The following CSMD1 variants were observed in gnomAD, a reference collection of about 807,000 sequenced individuals.
CSMD1 encodes CUB and sushi domain-containing protein 1.
CSMD1 carries 213 observed loss-of-function variants against 417.5 expected under a neutral mutation model. That is an observed-to-expected ratio of 0.51 (90% CI 0.46 to 0.57). The LOEUF is 0.57. CSMD1 is among the 20% of genes least tolerant of loss of function. CSMD1 has a pLI of 0.00. For synonymous variants in CSMD1, 2,862 were observed against 1,736.8 expected, an observed-to-expected ratio of 1.65 and a Z score of -16.11; for missense variants, 6,923 against 4,529.7, an observed-to-expected ratio of 1.53 and a Z score of -15.17.
intron 3 of CSMD1, among the ~76,000 whole-genome samples, chr8:4,304,393 A>G (rs1798137397): frequency 6.6e-6 from 1 of 152,152 alleles, no homozygotes; most frequent in Non-Finnish European, 1.5e-5. Flanking sequence ...TAAATAGAGA[A>G]ATTATTACCA....
chr8:4,057,403 G>T (rs928993141), intron 3 of CSMD1, among the ~76,000 whole-genome samples: 1 of 152,036 alleles, frequency 6.6e-6, no homozygotes, highest in East Asian at 1.9e-4. Flanking sequence ...TTGTAAATTT[G>T]TTTGAGTTCA....
intron 12 of CSMD1, among the ~76,000 whole-genome samples, chr8:3,456,956 C>A (rs997359517): frequency 6.6e-6 from 1 of 152,004 alleles, no homozygotes; most frequent in East Asian, 1.9e-4. Context: ...ACCCTACACA[C>A]CCTCATCCTG....
At chr8:3,074,406 G>T (rs1020231917) in intron 49 of CSMD1, among the ~76,000 whole-genome samples, 2 of 152,098 alleles carry the variant, frequency 1.3e-5, no homozygotes, top group Non-Finnish European at 2.9e-5. Context: ...AGGTCCATAG[G>T]GAGCTGTCTA....
At chr8:3,878,573 G>A (rs1020499634) in intron 5 of CSMD1, among the ~76,000 whole-genome samples, 2 of 152,066 alleles carry the variant, frequency 1.3e-5, no homozygotes, top group Admixed American at 6.6e-5. Context: ...AAAAAATTGC[G>A]TGCATTATTT....
intron 1 of CSMD1, among the ~76,000 whole-genome samples, chr8:4,864,304 T>C (rs1289556741): frequency 1.3e-5 from 2 of 151,382 alleles, no homozygotes; most frequent in Non-Finnish European, 3.0e-5. Flanking sequence ...AATTTAGAAC[T>C]AAAAAAGGAT....
At chr8:4,975,995 C>G (rs192480110) in intron 1 of CSMD1, among the ~76,000 whole-genome samples, 136 of 152,304 alleles carry the variant, frequency 8.9e-4, no homozygotes, top group African/African-American at 3.0e-3. Context: ...ACAACAGACA[C>G]TCAACCCTTT....
chr8:3,416,819 T>C (rs776031023), intron 12 of CSMD1, among the ~76,000 whole-genome samples: 5 of 152,230 alleles, frequency 3.3e-5, no homozygotes, highest in Non-Finnish European at 7.3e-5. Context: ...CACAAGTAGA[T>C]GAGAACTCCA....
At chr8:3,558,868 C>G (rs55744333) in intron 10 of CSMD1, among the ~76,000 whole-genome samples, 18,717 of 151,960 alleles carry the variant, frequency 0.12, 1,771 homozygotes, top group African/African-American at 0.26. Flanking sequence ...CCATGTTCAC[C>G]TGCCGCCCTG....
At chr8:3,195,349 T>G (rs531707416) in intron 33 of CSMD1, among the ~76,000 whole-genome samples, 4 of 152,166 alleles carry the variant, frequency 2.6e-5, no homozygotes, top group Non-Finnish European at 4.4e-5. Context: ...TCTGCCTCTC[T>G]TGGCCTCTGT....
At chr8:4,886,310 C>G (rs1803735948) in intron 1 of CSMD1, among the ~76,000 whole-genome samples, 1 of 151,918 alleles carries the variant, frequency 6.6e-6, no homozygotes, top group Admixed American at 6.6e-5. Flanking sequence ...ATTTGAATAT[C>G]TAGTTGTTCC....
At chr8:4,755,029 T>C (rs1280553165) in intron 1 of CSMD1, among the ~76,000 whole-genome samples, 1 of 151,956 alleles carries the variant, frequency 6.6e-6, no homozygotes, top group African/African-American at 2.4e-5. Flanking sequence ...TCCCAGCTAC[T>C]TGGGAGGCTG....
At chr8:3,415,204 T>C (rs1303823412) in intron 12 of CSMD1, among the ~76,000 whole-genome samples, 1 of 152,248 alleles carries the variant, frequency 6.6e-6, no homozygotes, top group African/African-American at 2.4e-5. Flanking sequence ...CGTATCATAA[T>C]GGCTAAGCAA....
At chr8:4,297,727 A>G (rs918271963) in intron 3 of CSMD1, among the ~76,000 whole-genome samples, 2 of 152,154 alleles carry the variant, frequency 1.3e-5, no homozygotes, top group African/African-American at 4.8e-5. Context: ...GTGTTGGAAG[A>G]TCATTCAATG....
chr8:3,843,655 A>G (rs1016407076), intron 5 of CSMD1, among the ~76,000 whole-genome samples: 2 of 152,198 alleles, frequency 1.3e-5, no homozygotes, highest in African/African-American at 4.8e-5. Context: ...ATTTTCAAAG[A>G]GACAGGCCAC....
At chr8:3,377,037 C>CTTGCTCTAT (rs1338107843) in intron 18 of CSMD1, among the ~76,000 whole-genome samples, 5 of 152,174 alleles carry the variant, frequency 3.3e-5, no homozygotes, top group Non-Finnish European at 7.3e-5. Context: ...GAGACAGAGT[C>CTTGCTCTAT]TTGCTCTATT....
intron 3 of CSMD1, among the ~76,000 whole-genome samples, chr8:4,192,612 T>C (rs554139353): frequency 2.0e-5 from 3 of 152,254 alleles, no homozygotes; most frequent in Non-Finnish European, 4.4e-5. Flanking sequence ...TGAGAACAGG[T>C]TGGGCCACAG....
chr8:4,744,451 TCC>T (rs1563272904), intron 1 of CSMD1, among the ~76,000 whole-genome samples: 1 of 152,180 alleles, frequency 6.6e-6, no homozygotes, highest in East Asian at 1.9e-4. Flanking sequence ...TGCGGCACTG[TCC>T]CAAAATGCTC....
intron 3 of CSMD1, among the ~76,000 whole-genome samples, chr8:4,176,281 A>T (rs1044987834): frequency 6.6e-6 from 1 of 152,086 alleles, no homozygotes; most frequent in Admixed American, 6.6e-5. Context: ...AAATGAGAAC[A>T]AAATTCTATA....
At chr8:3,497,670 G>T (rs1412145065) in intron 10 of CSMD1, among the ~76,000 whole-genome samples, 1 of 152,190 alleles carries the variant, frequency 6.6e-6, no homozygotes, top group Non-Finnish European at 1.5e-5. Flanking sequence ...AATGTCTTCA[G>T]TTTAGTCTAT....
Sources: gnomAD v4.1 joint callset for allele counts (sites outside exome capture counted in the v4.1 genomes callset) on GRCh38, gnomAD v4.1.1 for gene constraint, MANE v1.5 for transcripts, NCBI Gene and HGNC (gene_info 2026-07-23, HGNC 2026-07-21) for gene names.